The following UPRT variants were observed in gnomAD, a reference collection of about 807,000 sequenced individuals.
UPRT encodes RP11-311P8.3.
UPRT carries 5 observed loss-of-function variants against 22.6 expected under a neutral mutation model. The observed-to-expected ratio is 0.22, with a 90% CI of 0.12 to 0.47. UPRT has a LOEUF of 0.47. Among genes scored for constraint, UPRT ranks in the 20% least tolerant of loss-of-function variants. UPRT has a pLI of 0.99. For synonymous variants in UPRT, 77 were observed against 87.7 expected, an observed-to-expected ratio of 0.88 and a Z score of 0.68; for missense variants, 181 against 239.9, an observed-to-expected ratio of 0.75 and a Z score of 1.62.
At chrX:75,208,968 G>T (rs1021307217) in intron 4 of UPRT, among the ~76,000 whole-genome samples, 42 of 111,924 alleles carry the variant, frequency 3.8e-4, no homozygotes, top group African/African-American at 1.4e-3. Flanking sequence ...GGGTAGAATT[G>T]CCGGAGGCAA....
In UPRT at chrX:75,280,750, G is replaced by T. The variant is rs765078554; in HGVS notation, c.386+6110G>T. On this transcript the variant is annotated intron_variant, in intron 1 of 6. Transcript: ENST00000373383. ...TTCTGCTTAGTCTTGCTTTGGCTGTGTGGGGTCTTTTGTGGTTCCATATGA... is the reference window on the plus strand; with the variant it reads ...TTCTGCTTAGTCTTGCTTTGGCTGTTTGGGGTCTTTTGTGGTTCCATATGA... Among the ~76,000 whole-genome samples, 17 of 111,269 alleles carry T rather than the reference G, an allele frequency of 1.5e-4. No homozygotes were observed. In the South Asian group the frequency reaches 6.4e-3, roughly 42 times the overall value.
intron 1 of UPRT, chrX:75,285,436 G>A (rs1191178066): frequency 8.9e-6 from 1 of 111,839 alleles, no homozygotes; most frequent in Non-Finnish European, 1.9e-5. Context: ...GGAATGGGCT[G>A]CTTGGGGACC....
At chrX:75,187,808 A>T (rs777537512) in intron 4 of UPRT, among the ~76,000 whole-genome samples, 1 of 111,773 alleles carries the variant, frequency 8.9e-6, no homozygotes, top group South Asian at 3.8e-4. Flanking sequence ...CTTCCAGTTG[A>T]CCGCATCAGC....
chrX:75,266,223 T>A (rs766979178), intron 4 of UPRT, among the ~76,000 whole-genome samples: 1 of 111,293 alleles, frequency 9.0e-6, no homozygotes, highest in East Asian at 2.8e-4. Context: ...AACAGCATGG[T>A]TCTGGTACCA....
At chrX:75,272,332 A>ATATATATATG (rs1569279470), upstream of UPRT, among the ~76,000 whole-genome samples, 73 of 91,450 alleles carry the variant, frequency 8.0e-4, 2 homozygotes, top group African/African-American at 2.3e-3. Flanking sequence ...ATATATATGT[A>ATATATATATG]TATATATATA....
chrX:75,212,234 C>A (rs1019151612), intron 4 of UPRT, among the ~76,000 whole-genome samples: 1 of 112,328 alleles, frequency 8.9e-6, no homozygotes, highest in African/African-American at 3.2e-5. Context: ...AATATACATT[C>A]TTATCAGTGC....
At chrX:75,300,840 A>C (rs1175145200) in intron 5 of UPRT, 27 bp from the exon 6 acceptor site, 1 of 1,127,615 alleles carries the variant, frequency 8.9e-7, no homozygotes, top group Non-Finnish European at 1.2e-6. Context: ...AAGGTTGCTA[A>C]TTCATTTGGT....
At chrX:75,229,863 G>A (rs897775308) in intron 4 of UPRT, among the ~76,000 whole-genome samples, 19 of 111,988 alleles carry the variant, frequency 1.7e-4, no homozygotes, top group African/African-American at 5.8e-4. Context: ...TTTTGACTGA[G>A]CACAAACTTT....
chrX:75,254,080 G>A (rs992788779), intron 4 of UPRT, among the ~76,000 whole-genome samples: 2 of 111,571 alleles, frequency 1.8e-5, no homozygotes, highest in African/African-American at 6.5e-5. Context: ...ACTCGGGGGA[G>A]GCTGTGAATC....
intron 4 of UPRT, among the ~76,000 whole-genome samples, chrX:75,220,051 T>A (rs1187223770): frequency 9.0e-6 from 1 of 111,130 alleles, no homozygotes; most frequent in African/African-American, 3.3e-5. Flanking sequence ...GTCTCTCTCT[T>A]TAGCTCTAAC....
At chrX:75,164,896 G>A (rs1483129248) in intron 3 of UPRT, among the ~76,000 whole-genome samples, 1 of 111,764 alleles carries the variant, frequency 8.9e-6, no homozygotes, top group Admixed American at 9.5e-5. Context: ...CTCCCTAAGT[G>A]AATAAAATAC....
chrX:75,202,970 G>T (rs1449420263), intron 4 of UPRT, among the ~76,000 whole-genome samples: 1 of 111,626 alleles, frequency 9.0e-6, no homozygotes, highest in Non-Finnish European at 1.9e-5. Context: ...AATGTAAATG[G>T]ACTGAATGCC....
chrX:75,272,332 A>ATATATATATATATG (rs2082612578), upstream of UPRT, among the ~76,000 whole-genome samples: 1 of 91,468 alleles, frequency 1.1e-5, no homozygotes, highest in African/African-American at 4.5e-5. Flanking sequence ...ATATATATGT[A>ATATATATATATATG]TATATATATA....
intron 3 of UPRT, among the ~76,000 whole-genome samples, chrX:75,165,799 C>T (rs760806613): frequency 9.0e-6 from 1 of 110,858 alleles, no homozygotes; most frequent in Non-Finnish European, 1.9e-5. Flanking sequence ...GATGAGGTCT[C>T]ACTATGTTGC....
intron 4 of UPRT, among the ~76,000 whole-genome samples, chrX:75,206,696 GCT>G (rs2082368015): frequency 9.1e-6 from 1 of 110,169 alleles, no homozygotes; most frequent in Admixed American, 9.7e-5. Flanking sequence ...ATGGAGTCTT[GCT>G]CTGTTGCCCA....
chrX:75,217,015 A>G (rs1332906265), intron 4 of UPRT, among the ~76,000 whole-genome samples: 1 of 111,624 alleles, frequency 9.0e-6, no homozygotes, highest in Non-Finnish European at 1.9e-5. Context: ...CGGCCTCCCA[A>G]AGTGCTGGGT....
chrX:75,207,024 G>C (rs958774107), intron 4 of UPRT, among the ~76,000 whole-genome samples: 1 of 112,392 alleles, frequency 8.9e-6, no homozygotes, highest in Non-Finnish European at 1.9e-5. Flanking sequence ...CTTTTCCTTG[G>C]TTATGGCATT....
chrX:75,170,129 C>T (rs777087089), intron 4 of UPRT, among the ~76,000 whole-genome samples: 7 of 107,493 alleles, frequency 6.5e-5, no homozygotes, highest in East Asian at 2.9e-4. Flanking sequence ...CTCCGCCTCC[C>T]GGGTTCAAGC....
intron 4 of UPRT, among the ~76,000 whole-genome samples, chrX:75,185,014 C>G (rs1225371173): frequency 1.8e-5 from 2 of 110,969 alleles, no homozygotes. Flanking sequence ...CCCTTTGTTT[C>G]CTTCTCCTGC....
Sources: allele counts gnomAD v4.1 joint callset (sites outside exome capture counted in the v4.1 genomes callset), GRCh38; gene constraint gnomAD v4.1.1; transcripts MANE v1.5; gene names NCBI Gene and HGNC (gene_info 2026-07-23, HGNC 2026-07-21).